The following ATP7A variants were observed in gnomAD, a reference collection of about 807,000 sequenced individuals.
The protein encoded by ATP7A is copper-transporting ATPase 1.
ATP7A carries 7 observed loss-of-function variants against 83.5 expected under a neutral mutation model. That is an observed-to-expected ratio of 0.08 (90% CI 0.05 to 0.16). The LOEUF (loss-of-function observed/expected upper bound fraction) is 0.16, where lower values mean the gene tolerates loss of function less well. Ranked by LOEUF, ATP7A falls within the 10% of genes least tolerant of loss-of-function variation. The pLI, the probability that ATP7A is intolerant of heterozygous loss-of-function variation, is 1.00. For missense variants in ATP7A, 940 were observed against 1,120.8 expected (o/e 0.84, Z 2.30); for synonymous variants, 354 against 395.2 (o/e 0.90, Z 1.24).
chrX:77,947,553 C>T (rs1241530536), intron 1 of ATP7A, among the ~76,000 whole-genome samples: 3 of 109,046 alleles, frequency 2.8e-5, no homozygotes, highest in African/African-American at 1.0e-4. Flanking sequence ...ATTCTCCTGC[C>T]TCAGCCTCCT....
rs1042128526 is a variant in ATP7A at position 77,979,590 on chromosome X, G to A, written c.120+7829G>A. ...TTCTAGGATTATAATTAAGCCTCAG[G>A]TGCAGTTAATTTAGAAATCAGATTT... On this transcript the variant is annotated intron_variant, in intron 2 of 22. Transcript: ENST00000341514. 9.8e-5 allele frequency among the ~76,000 whole-genome samples: 11 copies of A among 112,263 alleles called. No homozygotes were observed. The South Asian group carries it at 4.0e-3, about 41-fold the overall frequency.
At chrX:77,951,395 T>C (rs782488460) in intron 1 of ATP7A, among the ~76,000 whole-genome samples, 1 of 111,865 alleles carries the variant, frequency 8.9e-6, no homozygotes, top group South Asian at 3.7e-4. Context: ...GATTGTAAGA[T>C]GGTTTCTAAA....
At chrX:77,997,992 AC>A (rs782075976) in intron 4 of ATP7A, among the ~76,000 whole-genome samples, 4,287 of 108,490 alleles carry the variant, frequency 0.04, 93 homozygotes, top group Middle Eastern at 0.06. Flanking sequence ...TTGGTATGTA[AC>A]CCCCCCGCCC....
chrX:77,970,174 G>A (rs2077537951), intron 1 of ATP7A, among the ~76,000 whole-genome samples: 1 of 110,981 alleles, frequency 9.0e-6, no homozygotes, highest in South Asian at 3.8e-4. Context: ...TTTGACATGA[G>A]GCCTCAGTTC....
intron 2 of ATP7A, among the ~76,000 whole-genome samples, chrX:77,974,053 T>A (rs965410535): frequency 5.4e-5 from 6 of 111,776 alleles, no homozygotes; most frequent in African/African-American, 2.0e-4. Context: ...GTTGACTTTG[T>A]ATCCTGGAAC....
intron 1 of ATP7A, chrX:77,963,594 T>G (rs1476368427): frequency 9.0e-6 from 1 of 111,597 alleles, no homozygotes; most frequent in Non-Finnish European, 1.9e-5. Context: ...CTCAAATGAT[T>G]ATTTTAAAAA....
intron 4 of ATP7A, among the ~76,000 whole-genome samples, chrX:77,993,088 G>A (rs1429905448): frequency 8.9e-6 from 1 of 112,138 alleles, no homozygotes; most frequent in Non-Finnish European, 1.9e-5. Flanking sequence ...AGTTATATCA[G>A]TATCACCAAA....
rs944288544 is a variant in ATP7A at position 78,021,511 on chromosome X, G to T, written c.2916+432G>T. Among the ~76,000 whole-genome samples, 8 of 111,623 alleles carry T rather than the reference G, an allele frequency of 7.2e-5. No homozygotes were observed. The East Asian group carries it at 2.0e-3, about 27-fold the overall frequency. On this transcript the variant is annotated intron_variant, in intron 14 of 22. Transcript: ENST00000341514. The stretch of plus-strand genomic sequence containing the variant: ...TGTGTAACTTAAGGTTGTTGTGAAG[G>T]TTAAATAATATATTAGAAATAATTT...
At position 78,031,587 on chromosome X, in the gene ATP7A, A is replaced by AT. The variant is rs1223290704; in HGVS notation, c.3294+12dup. On this transcript the variant is annotated splice_donor_region_variant and intron_variant, in intron 16 of 22. Coordinates refer to ENST00000341514, the MANE Select transcript of ATP7A (RefSeq NM_000052.7). ...ATAACCAAATATTGCAAACAGGTAC[A>AT]TTTTTTTCCTCTTGTTTATTAGTGT... The AT allele has an allele frequency of 8.3e-7, 1 of 1,204,905 alleles. No individual in the cohort carries two copies. The highest frequency in any genetic ancestry group is 3.0e-5 in the East Asian group (1 of 33,780).
chrX:78,018,055 C>T (rs1199445703), intron 12 of ATP7A, among the ~76,000 whole-genome samples: 1 of 105,764 alleles, frequency 9.5e-6, no homozygotes, highest in African/African-American at 3.4e-5. Context: ...GGATTACAGG[C>T]GTGAGCCACC....
chrX:77,929,598 A>G (rs1356381163), intron 1 of ATP7A, among the ~76,000 whole-genome samples: 1 of 110,267 alleles, frequency 9.1e-6, no homozygotes, highest in Non-Finnish European at 1.9e-5. Flanking sequence ...GGAGTATGAT[A>G]GGAACGAAAT....
chrX:78,014,142 T>C (rs2077845311), intron 10 of ATP7A, among the ~76,000 whole-genome samples: 2 of 110,883 alleles, frequency 1.8e-5, no homozygotes, highest in South Asian at 7.5e-4. Context: ...GCGCGGTGGC[T>C]CATGCCTGTA....
At chrX:78,011,769 C>T in intron 9 of ATP7A, 95 bp downstream of exon 9, 2 of 830,453 alleles carry the variant, frequency 2.4e-6, no homozygotes, top group South Asian at 2.0e-5. Flanking sequence ...CTGATGTTAG[C>T]TAGAAGTCTG....
chrX:77,927,839 T>C (rs2077250555), intron 1 of ATP7A, among the ~76,000 whole-genome samples: 1 of 111,001 alleles, frequency 9.0e-6, no homozygotes, highest in African/African-American at 3.3e-5. Flanking sequence ...CCAAGTGTTC[T>C]TATTGTTCAG....
chrX:78,036,319 C>T (rs1448417009), intron 17 of ATP7A, among the ~76,000 whole-genome samples: 1 of 110,594 alleles, frequency 9.0e-6, no homozygotes, highest in African/African-American at 3.3e-5. Flanking sequence ...AGTGTTTGAA[C>T]GAAGATCTGA....
intron 22 of ATP7A, 105 bp from the exon 23 acceptor site, chrX:78,046,189 C>G (rs2078082180): frequency 1.0e-6 from 1 of 976,418 alleles, no homozygotes; most frequent in African/African-American, 1.9e-5. Context: ...ACATTTCATA[C>G]CAAAACTAAG....
At position 77,994,241 on chromosome X, in the gene ATP7A, T is replaced by A. The variant is rs1217367856; in HGVS notation, c.1337-4237T>A. On this transcript the variant is annotated intron_variant, in intron 4 of 22. Coordinates refer to ENST00000341514, the MANE Select transcript of ATP7A (RefSeq NM_000052.7). The stretch of plus-strand genomic sequence containing the variant: ...CCACCATGCCCGGCTAATTTTTGTA[T>A]TTTTAGTAGAGACAGGGTTTCGCCT... Among the ~76,000 whole-genome samples the A allele has an allele frequency of 3.6e-5, 4 of 110,452 alleles. No homozygotes were observed. The East Asian group carries it at 8.6e-4, about 24-fold the overall frequency.
rs782023080 is a variant in ATP7A at position 77,918,874 on chromosome X, G to A, written c.-22+8039G>A. On this transcript the variant is annotated intron_variant, in intron 1 of 22. Coordinates refer to ENST00000341514, the MANE Select transcript of ATP7A (RefSeq NM_000052.7). ...TTCCCTTCAATACCTACTACATCCA[G>A]CAGCCGTGATAGTCCCAACACGTTT... 1.6e-4 allele frequency among the ~76,000 whole-genome samples: 18 copies of A among 111,336 alleles called. No individual in the cohort carries two copies. In the South Asian group the frequency reaches 6.7e-3, roughly 42 times the overall value.
chrX:77,980,319 G>C (rs948978655), intron 2 of ATP7A, among the ~76,000 whole-genome samples: 4 of 110,287 alleles, frequency 3.6e-5, no homozygotes, highest in African/African-American at 9.9e-5. Context: ...GTGGTGTCGC[G>C]CACCTGTAAT....
Sources: gnomAD v4.1 joint callset for allele counts (sites outside exome capture counted in the v4.1 genomes callset) on GRCh38, gnomAD v4.1.1 for gene constraint, MANE v1.5 for transcripts, NCBI Gene and HGNC (gene_info 2026-07-23, HGNC 2026-07-21) for gene names.